The following AATF variants were observed in gnomAD, a reference collection of about 807,000 sequenced individuals.
AATF encodes apoptosis antagonizing transcription factor.
Under a neutral mutation model 63.7 loss-of-function variants are expected in AATF, and 48 were observed. The observed-to-expected ratio is 0.75, with a 90% CI of 0.60 to 0.96. The LOEUF (loss-of-function observed/expected upper bound fraction) is 0.96, where lower values mean the gene tolerates loss of function less well. Among genes scored for constraint, AATF ranks in the 40% least tolerant of loss-of-function variants. The pLI is 0.00. For synonymous variants in AATF, 258 were observed against 247.7 expected (o/e 1.04, Z -0.39); for missense variants, 639 against 685.7 (o/e 0.93, Z 0.76).
intron 8 of AATF, among the ~76,000 whole-genome samples, chr17:37,009,367 A>G (rs1220288295): frequency 1.3e-5 from 2 of 148,420 alleles, no homozygotes; most frequent in African/African-American, 2.5e-5. Flanking sequence ...CTGGTCTCAA[A>G]CTCCTGACCT....
chr17:36,955,704 T>C (rs1210418691), intron 4 of AATF, among the ~76,000 whole-genome samples: 3 of 152,166 alleles, frequency 2.0e-5, no homozygotes, highest in Non-Finnish European at 4.4e-5. Flanking sequence ...TATTTAAATA[T>C]AGATATTTTA....
At chr17:36,989,108 A>C (rs1344805416) in intron 6 of AATF, 139 bp from the exon 7 acceptor site, 1 of 1,016,104 alleles carries the variant, frequency 9.8e-7, no homozygotes, top group Non-Finnish European at 1.4e-6. Context: ...CCACTCACAA[A>C]CTCAGTCCTT....
At chr17:37,046,729 CA>C (rs1567997095) in intron 11 of AATF, among the ~76,000 whole-genome samples, 2 of 102,404 alleles carry the variant, frequency 2.0e-5, no homozygotes, top group African/African-American at 8.6e-5. Flanking sequence ...TGTGCTCCCC[CA>C]ACACACACAC....
At chr17:37,048,389 T>A (rs1033683829) in intron 11 of AATF, among the ~76,000 whole-genome samples, 17 of 124,094 alleles carry the variant, frequency 1.4e-4, no homozygotes, top group African/African-American at 6.7e-4. Flanking sequence ...TTTTTTTTTT[T>A]AGATGGAGTC....
At chr17:36,958,196 T>C (rs1228730829) in intron 4 of AATF, among the ~76,000 whole-genome samples, 1 of 152,004 alleles carries the variant, frequency 6.6e-6, no homozygotes, top group Admixed American at 6.6e-5. Flanking sequence ...GGAGTCTCTC[T>C]CTGTCACCCA....
At chr17:37,027,614 A>G (rs878888331) in intron 10 of AATF, among the ~76,000 whole-genome samples, 3 of 152,340 alleles carry the variant, frequency 2.0e-5, no homozygotes, top group Admixed American at 1.3e-4. Context: ...AAAGAAAAAG[A>G]TGAACTTAAT....
At chr17:37,009,091 G>A (rs1469437085) in intron 8 of AATF, among the ~76,000 whole-genome samples, 3 of 151,970 alleles carry the variant, frequency 2.0e-5, no homozygotes, top group African/African-American at 7.2e-5. Context: ...GTCAAAGAAT[G>A]AGTTTAAATA....
intron 4 of AATF, among the ~76,000 whole-genome samples, chr17:36,956,975 C>T (rs540206308): frequency 6.6e-6 from 1 of 150,604 alleles, no homozygotes; most frequent in Non-Finnish European, 1.5e-5. Context: ...AAACTGTCCC[C>T]CCCGAAAAAA....
intron 8 of AATF, among the ~76,000 whole-genome samples, chr17:37,004,644 C>G (rs555777573): frequency 6.6e-6 from 1 of 152,104 alleles, no homozygotes; most frequent in Non-Finnish European, 1.5e-5. Flanking sequence ...GCAGAGTCCT[C>G]ATGTGAGTGC....
chr17:36,994,039 G>A (rs964963119), intron 8 of AATF, among the ~76,000 whole-genome samples: 2 of 152,120 alleles, frequency 1.3e-5, no homozygotes, highest in Admixed American at 6.6e-5. Context: ...ACATACATAT[G>A]TATGTGTGTG....
chr17:37,015,133 T>C (rs1281375377), intron 8 of AATF, among the ~76,000 whole-genome samples: 2 of 152,358 alleles, frequency 1.3e-5, no homozygotes, highest in East Asian at 3.9e-4. Context: ...TCTGTTCATA[T>C]TTAAGAGTAA....
intron 8 of AATF, among the ~76,000 whole-genome samples, chr17:37,015,873 A>G (rs1376004146): frequency 1.3e-5 from 2 of 152,154 alleles, no homozygotes; most frequent in Non-Finnish European, 2.9e-5. Flanking sequence ...TTTGCCTGGT[A>G]TCCTCTATTC....
intron 4 of AATF, among the ~76,000 whole-genome samples, chr17:36,955,411 C>T (rs1245074535): frequency 6.6e-6 from 1 of 152,202 alleles, no homozygotes; most frequent in Non-Finnish European, 1.5e-5. Context: ...AGGAGCCTTA[C>T]GTGGCCTGTG....
intron 10 of AATF, among the ~76,000 whole-genome samples, chr17:37,027,007 C>T (rs2071515826): frequency 6.6e-6 from 1 of 152,176 alleles, no homozygotes; most frequent in African/African-American, 2.4e-5. Context: ...ATATGTAAGA[C>T]TTCCAGAAAT....
chr17:36,997,200 A>G (rs1271807582), intron 8 of AATF, among the ~76,000 whole-genome samples: 1 of 152,212 alleles, frequency 6.6e-6, no homozygotes, highest in Non-Finnish European at 1.5e-5. Flanking sequence ...TAAAGTAGGC[A>G]TGAGGTCTTG....
intron 4 of AATF, among the ~76,000 whole-genome samples, chr17:36,963,812 G>A (rs758282070): frequency 1.5e-4 from 23 of 152,184 alleles, no homozygotes; most frequent in Non-Finnish European, 2.5e-4. Context: ...TAGCAACATG[G>A]TGGGCATCCT....
intron 11 of AATF, among the ~76,000 whole-genome samples, chr17:37,038,879 A>G (rs1472123865): frequency 1.3e-5 from 2 of 152,170 alleles, no homozygotes; most frequent in Non-Finnish European, 2.9e-5. Context: ...AGTTTTAGAA[A>G]AGAAATGTAC....
At chr17:37,023,899 T>G (rs991642806) in intron 10 of AATF, among the ~76,000 whole-genome samples, 5 of 152,076 alleles carry the variant, frequency 3.3e-5, no homozygotes, top group Non-Finnish European at 7.4e-5. Flanking sequence ...TTATATAAAG[T>G]GGCATAGTAT....
At chr17:36,976,643 A>G (rs2071081982) in intron 4 of AATF, among the ~76,000 whole-genome samples, 1 of 152,198 alleles carries the variant, frequency 6.6e-6, no homozygotes, top group Non-Finnish European at 1.5e-5. Context: ...AACATACCCA[A>G]GTGAGTAGTT....
Sources: allele counts gnomAD v4.1 joint callset (sites outside exome capture counted in the v4.1 genomes callset), GRCh38; gene constraint gnomAD v4.1.1; transcripts MANE v1.5; gene names NCBI Gene and HGNC (gene_info 2026-07-23, HGNC 2026-07-21).